The following MCC variants were observed in gnomAD, a reference collection of about 807,000 sequenced individuals.
The protein encoded by MCC is MCC regulator of Wnt signaling pathway.
A neutral mutation model predicts 116.2 loss-of-function variants in MCC; 90 were observed. The ratio of observed to expected loss-of-function variants is 0.77; its 90% CI spans 0.65 to 0.92. The LOEUF (loss-of-function observed/expected upper bound fraction) is 0.92. MCC is among the 40% of genes least tolerant of loss of function. The pLI, the probability that MCC is intolerant of heterozygous loss-of-function variation, is 0.00. For synonymous variants in MCC, 578 were observed against 510.5 expected (o/e 1.13, Z -1.78); for missense variants, 1,516 against 1,312.2 (o/e 1.16, Z -2.40).
chr5:113,083,956 C>A (rs1755030989), intron 10 of MCC, 145 bp downstream of exon 10: 1 of 625,022 alleles, frequency 1.6e-6, no homozygotes, highest in South Asian at 2.3e-5. Context: ...TAATTTAATC[C>A]TTTGGAAGGA....
At chr5:113,076,682 C>T (rs963957212) in intron 11 of MCC, among the ~76,000 whole-genome samples, 4 of 152,194 alleles carry the variant, frequency 2.6e-5, no homozygotes, top group African/African-American at 9.7e-5. Flanking sequence ...AAAGGAACAA[C>T]CGGTACCAGC....
In MCC at chr5:113,442,713, A is replaced by G. The variant is rs182983492; in HGVS notation, c.170+45532T>C. Among the ~76,000 whole-genome samples, 595 of 152,350 alleles carry G rather than the reference A, an allele frequency of 3.9e-3. 1 individual carries two copies. Among genetic ancestry groups the G allele is most frequent in the Non-Finnish European group, 6.7e-3 (453 of 68,034 alleles). On this transcript the variant is annotated intron_variant, in intron 1 of 18. Coordinates refer to ENST00000408903, the MANE Select transcript of MCC (RefSeq NM_001085377.2). ...AAGGGATCCAGTTTCAGTTTTCTGC[A>G]TATGGCTAGCCAGTTTTCCCAGCAC... is the stretch of plus-strand genomic sequence containing the variant.
At chr5:113,225,328 C>T (rs187467365) in intron 3 of MCC, among the ~76,000 whole-genome samples, 1 of 152,340 alleles carries the variant, frequency 6.6e-6, no homozygotes, top group East Asian at 1.9e-4. Context: ...TTCCAATCCA[C>T]CCAGGCAGTC....
In MCC at chr5:113,022,868, T is replaced by C. The variant is rs551548406; in HGVS notation, c.*4434A>G. The C allele has an allele frequency of 3.9e-5, 6 of 152,350 alleles. 1 individual carries two copies. Among genetic ancestry groups the C allele is most frequent in the African/African-American group, 1.4e-4 (6 of 41,578 alleles). 9.4% of individuals were successfully genotyped at this position (152,350 alleles called of 1,614,324 possible). A position where few individuals can be genotyped will look rare whatever the true frequency, so the allele number is the denominator to read the frequency against. ...AGCAGTTGCTATTTCCGGGACTGAA[T>C]GATTTCTTCCTCTTGGTCACATGCA... On this transcript the variant is annotated 3_prime_UTR_variant, in exon 19 of 19. Coordinates refer to ENST00000408903, the MANE Select transcript of MCC (RefSeq NM_001085377.2).
At chr5:113,257,300 C>T (rs1252945145) in intron 3 of MCC, among the ~76,000 whole-genome samples, 2 of 152,022 alleles carry the variant, frequency 1.3e-5, no homozygotes, top group Non-Finnish European at 2.9e-5. Context: ...TGTCATGAGG[C>T]TGTGCAAACC....
chr5:113,330,751 T>G (rs1050401776), intron 3 of MCC, among the ~76,000 whole-genome samples: 1 of 152,180 alleles, frequency 6.6e-6, no homozygotes, highest in Non-Finnish European at 1.5e-5. Context: ...TGCCCTCTAG[T>G]GTACTTGAAA....
At chr5:113,469,576 A>G (rs1772019207) in intron 1 of MCC, among the ~76,000 whole-genome samples, 1 of 152,124 alleles carries the variant, frequency 6.6e-6, no homozygotes, top group East Asian at 1.9e-4. Flanking sequence ...GTTCTTTTAC[A>G]TTTGCTGAGG....
intron 3 of MCC, among the ~76,000 whole-genome samples, chr5:113,183,894 C>A (rs1761753303): frequency 6.6e-6 from 1 of 152,048 alleles, no homozygotes; most frequent in Non-Finnish European, 1.5e-5. Context: ...TGCTCTCCTC[C>A]CTCCTCTGCC....
intron 3 of MCC, among the ~76,000 whole-genome samples, chr5:113,229,199 C>A (rs565447718): frequency 2.0e-5 from 3 of 151,952 alleles, no homozygotes; most frequent in African/African-American, 4.8e-5. Context: ...TCGGCAGAGA[C>A]GAAGAAGGGA....
chr5:113,159,953 G>T (rs1760391124), intron 3 of MCC, among the ~76,000 whole-genome samples: 1 of 152,230 alleles, frequency 6.6e-6, no homozygotes, highest in Non-Finnish European at 1.5e-5. Context: ...TCAGAAAGCA[G>T]CAGCTTTTCA....
chr5:113,290,057 G>A (rs115143201), intron 3 of MCC, among the ~76,000 whole-genome samples: 3,160 of 152,296 alleles, frequency 0.021, 34 homozygotes, highest in Middle Eastern at 0.027. Flanking sequence ...GCACAGCTGC[G>A]AGCTGGCCAC....
chr5:113,272,987 G>A (rs1377021997), intron 3 of MCC, among the ~76,000 whole-genome samples: 1 of 152,190 alleles, frequency 6.6e-6, no homozygotes. Context: ...AGAGATTGTA[G>A]AAATGGGACA....
intron 3 of MCC, among the ~76,000 whole-genome samples, chr5:113,168,592 T>C (rs1191841599): frequency 6.6e-6 from 1 of 152,224 alleles, no homozygotes; most frequent in Non-Finnish European, 1.5e-5. Context: ...GCTCTTTCTA[T>C]GGTGAGTTCA....
chr5:113,262,265 T>G (rs1408690844), intron 3 of MCC, among the ~76,000 whole-genome samples: 1 of 152,118 alleles, frequency 6.6e-6, no homozygotes, highest in Non-Finnish European at 1.5e-5. Context: ...ATCCCATGAT[T>G]CTAGGCATAT....
intron 1 of MCC, among the ~76,000 whole-genome samples, chr5:113,393,624 C>G (rs1286596882): frequency 6.6e-6 from 1 of 152,216 alleles, no homozygotes; most frequent in Admixed American, 6.5e-5. Context: ...GTCCCACTAG[C>G]AGTGTCTGAG....
intron 3 of MCC, among the ~76,000 whole-genome samples, chr5:113,217,603 G>A (rs1034897495): frequency 2.0e-5 from 3 of 152,306 alleles, no homozygotes; most frequent in Non-Finnish European, 2.9e-5. Flanking sequence ...GATCCCACTC[G>A]TGTATGAAAA....
chr5:113,131,265 T>C (rs894828615), intron 5 of MCC, among the ~76,000 whole-genome samples: 1 of 152,186 alleles, frequency 6.6e-6, no homozygotes, highest in Non-Finnish European at 1.5e-5. Flanking sequence ...TATTTTCTTT[T>C]CACATCCAGT....
chr5:113,471,251 C>T (rs986526106), intron 1 of MCC, among the ~76,000 whole-genome samples: 8 of 152,202 alleles, frequency 5.3e-5, no homozygotes, highest in African/African-American at 1.9e-4. Context: ...GAGAGGCACT[C>T]TGATTTTTAG....
At chr5:113,210,889 T>C (rs1434943202) in intron 3 of MCC, among the ~76,000 whole-genome samples, 2 of 152,232 alleles carry the variant, frequency 1.3e-5, no homozygotes, top group Non-Finnish European at 2.9e-5. Flanking sequence ...TGAAAGATGC[T>C]TATCAGAAGG....
Sources: gnomAD v4.1 joint callset for allele counts (sites outside exome capture counted in the v4.1 genomes callset) on GRCh38, gnomAD v4.1.1 for gene constraint, MANE v1.5 for transcripts, NCBI Gene and HGNC (gene_info 2026-07-23, HGNC 2026-07-21) for gene names.